ABCC4: variants seen among roughly 807,000 people sequenced by gnomAD.
ABCC4 encodes ATP binding cassette subfamily C member 4 (PEL blood group).
In ABCC4, 102 loss-of-function variants were observed where a neutral mutation model predicts 168.5. The ratio of observed to expected loss-of-function variants is 0.61; its 90% CI spans 0.52 to 0.71. The LOEUF is 0.71. ABCC4 is among the 30% of genes least tolerant of loss of function. The pLI is 0.00. For synonymous variants in ABCC4, 617 were observed against 590.7 expected, an observed-to-expected ratio of 1.04 and a Z score of -0.65; for missense variants, 1,402 against 1,605.8, an observed-to-expected ratio of 0.87 and a Z score of 2.17.
At chr13:95,242,736 G>T (rs1185733451) in intron 3 of ABCC4, among the ~76,000 whole-genome samples, 2 of 152,172 alleles carry the variant, frequency 1.3e-5, no homozygotes, top group African/African-American at 4.8e-5. Context: ...AAATGCTTTT[G>T]AGATGTTACA....
At chr13:95,266,901 G>A (rs984823747) in intron 1 of ABCC4, among the ~76,000 whole-genome samples, 9 of 124,264 alleles carry the variant, frequency 7.2e-5, no homozygotes, top group Admixed American at 3.1e-4. Context: ...TTTTTGAGAC[G>A]GAGTTTCGCC....
At chr13:95,188,619 A>G (rs562357090) in intron 9 of ABCC4, 77 bp from the exon 10 acceptor site, 1 of 1,190,534 alleles carries the variant, frequency 8.4e-7, no homozygotes, top group African/African-American at 1.5e-5. Context: ...AGAAAACAAT[A>G]CAACAGTCAT....
At chr13:95,049,925 C>A (rs1402967592) in intron 27 of ABCC4, among the ~76,000 whole-genome samples, 1 of 152,198 alleles carries the variant, frequency 6.6e-6, no homozygotes, top group East Asian at 1.9e-4. Flanking sequence ...GTTCCCATTT[C>A]CAGTTTGGCC....
intron 20 of ABCC4, among the ~76,000 whole-genome samples, chr13:95,103,010 T>C (rs990858226): frequency 6.0e-5 from 9 of 150,480 alleles, no homozygotes; most frequent in African/African-American, 2.2e-4. Flanking sequence ...CTCACGCCTG[T>C]AATCCCAGCA....
chr13:95,148,592 A>ACACACACG (rs67879353), intron 19 of ABCC4, among the ~76,000 whole-genome samples: 6 of 1,566 alleles, frequency 3.8e-3, no homozygotes, highest in African/African-American at 0.013. Context: ...ACCCATCACA[A>ACACACACG]CACACACACA....
chr13:95,030,484 G>A (rs191052100), intron 30 of ABCC4, among the ~76,000 whole-genome samples: 43 of 152,274 alleles, frequency 2.8e-4, no homozygotes, highest in Non-Finnish European at 5.0e-4. Context: ...AAATTCCTAT[G>A]TTGAAGTCCT....
intron 1 of ABCC4, among the ~76,000 whole-genome samples, chr13:95,280,975 A>G (rs536545204): frequency 1.4e-4 from 22 of 152,216 alleles, no homozygotes; most frequent in Admixed American, 3.9e-4. Flanking sequence ...GAGAAGGAAG[A>G]GGATTTTGAG....
chr13:95,082,974 A>T (rs2034144488), intron 21 of ABCC4, among the ~76,000 whole-genome samples, 166 bp downstream of exon 21: 1 of 152,108 alleles, frequency 6.6e-6, no homozygotes, highest in Admixed American at 6.5e-5. Flanking sequence ...TCAATTCCAC[A>T]TGCTCTAAGG....
chr13:95,063,242 A>G (rs533793695), intron 25 of ABCC4, among the ~76,000 whole-genome samples: 1 of 152,352 alleles, frequency 6.6e-6, no homozygotes, highest in Admixed American at 6.5e-5. Flanking sequence ...TTGAAAAGTC[A>G]ACAGTCTCCT....
intron 1 of ABCC4, among the ~76,000 whole-genome samples, chr13:95,281,435 C>T (rs187544781): frequency 4.8e-4 from 73 of 151,640 alleles, no homozygotes; most frequent in Middle Eastern, 3.4e-3. Context: ...CATTGAGAAA[C>T]GAACACCAAC....
intron 19 of ABCC4, among the ~76,000 whole-genome samples, chr13:95,152,364 C>T (rs932151577): frequency 6.6e-6 from 1 of 152,162 alleles, no homozygotes; most frequent in Non-Finnish European, 1.5e-5. Context: ...TAAAGAGATG[C>T]AAATGCACTC....
intron 13 of ABCC4, 52 bp from the exon 14 acceptor site, chr13:95,170,680 C>T: frequency 9.5e-7 from 1 of 1,056,398 alleles, no homozygotes; most frequent in Non-Finnish European, 1.4e-6. Flanking sequence ...GGGTGCTCCA[C>T]ATTGAAAAAC....
At chr13:95,191,915 A>C (rs1050602948) in intron 9 of ABCC4, among the ~76,000 whole-genome samples, 3 of 152,202 alleles carry the variant, frequency 2.0e-5, no homozygotes, top group Non-Finnish European at 2.9e-5. Context: ...GGGACCCAGC[A>C]CTGGTGGGCT....
intron 11 of ABCC4, among the ~76,000 whole-genome samples, chr13:95,185,891 A>T (rs1423316214): frequency 6.6e-6 from 1 of 152,028 alleles, no homozygotes; most frequent in East Asian, 1.9e-4. Context: ...ATTTTAAAAC[A>T]GTTTCCTTTA....
chr13:95,032,489 ATCGTT>A lies in ABCC4; in HGVS notation c.3870+2111_3870+2115del, dbSNP rs1347409228. Among the ~76,000 whole-genome samples, 3 of 152,218 alleles carry A rather than the reference ATCGTT, an allele frequency of 2.0e-5. No homozygotes were observed. The East Asian group carries it at 5.8e-4, about 29-fold the overall frequency. On this transcript the variant is annotated intron_variant, in intron 30 of 30. Coordinates refer to ENST00000645237, the MANE Select transcript of ABCC4 (RefSeq NM_005845.5). ...CTGTGCACACAAAGGCATTTATAGAATCGTTTTGAGGATAAATGCAGGATTCAAAG... is the reference window on the plus strand; with the variant it reads ...CTGTGCACACAAAGGCATTTATAGAATTGAGGATAAATGCAGGATTCAAAG...
Position 95,164,458 on chromosome 13 carries a change from G to A in ABCC4, c.2095C>T (p.Gln699Ter). The part of the protein sequence containing the change: ...ENRSEGKVGF[Q>*]AYKNYFRAGA... ...GCTCTGAAGTAATTCTTATAGGCCT[G>A]AAAACCAACTTTTCCTTCAGAACGG... The change falls in exon 16 of 31, where the codon CAG becomes TAG. Residue 699 changes from glutamine to a stop codon, truncating the protein, a stop_gained. Coordinates refer to ENST00000645237, the MANE Select transcript of ABCC4 (RefSeq NM_005845.5). LOFTEE classifies it high-confidence loss of function. The A allele has an allele frequency of 6.2e-7, 1 of 1,614,170 alleles. No individual in the cohort carries two copies. The highest frequency in any genetic ancestry group is 8.5e-7 in the Non-Finnish European group (1 of 1,180,016).
At chr13:95,038,731 C>A (rs1188324641) in intron 29 of ABCC4, among the ~76,000 whole-genome samples, 1 of 152,160 alleles carries the variant, frequency 6.6e-6, no homozygotes, top group East Asian at 1.9e-4. Context: ...ACCCCATGCA[C>A]ACTGCCTAAA....
Position 95,206,773 on chromosome 13 carries a change from A to G in ABCC4, c.920T>C (p.Ile307Thr). Residue 307 changes from isoleucine (I) to threonine (T), a missense_variant, in exon 8 of 31, where the codon ATT (isoleucine) becomes ACT (threonine). Coordinates refer to ENST00000645237, the MANE Select transcript of ABCC4 (RefSeq NM_005845.5). Reference sequence around the variant, plus strand: ...GCAGGAACTTCTCAGAATCTTGGAAATCTCCTTCCTGAAAGAGAGTACAGG... The same window carrying G: ...GCAGGAACTTCTCAGAATCTTGGAAGTCTCCTTCCTGAAAGAGAGTACAGG... ...NLITNLRKKE[I>T]SKILRSSCLR... 2 of 1,614,076 alleles carry G rather than the reference A, an allele frequency of 1.2e-6. No individual in the cohort carries two copies. The highest frequency in any genetic ancestry group is 1.7e-6 in the Non-Finnish European group (2 of 1,179,972).
At chr13:95,036,660 T>C (rs2032133731) in intron 29 of ABCC4, among the ~76,000 whole-genome samples, 1 of 152,214 alleles carries the variant, frequency 6.6e-6, no homozygotes, top group South Asian at 2.1e-4. Context: ...GGAGAGTTTT[T>C]GAGTTTAGGG....
Sources: allele counts gnomAD v4.1 joint callset (sites outside exome capture counted in the v4.1 genomes callset), GRCh38; gene constraint gnomAD v4.1.1; transcripts MANE v1.5; gene names NCBI Gene and HGNC (gene_info 2026-07-23, HGNC 2026-07-21).